The following MAP3K10 variants were observed in gnomAD, a reference collection of about 807,000 sequenced individuals.
The protein encoded by MAP3K10 is MKN28 derived nonreceptor_type serine/threonine kinase.
Under a neutral mutation model 75.0 loss-of-function variants are expected in MAP3K10, and 22 were observed. The ratio of observed to expected loss-of-function variants is 0.29; its 90% CI spans 0.21 to 0.42. The LOEUF (loss-of-function observed/expected upper bound fraction) is 0.42. Among genes scored for constraint, MAP3K10 ranks in the 10% least tolerant of loss-of-function variants. The pLI, the probability that MAP3K10 is intolerant of heterozygous loss-of-function variation, is 1.00. For missense variants in MAP3K10, 1,165 were observed against 1,379.8 expected, an observed-to-expected ratio of 0.84 and a Z score of 2.47; for synonymous variants, 599 against 612.9, an observed-to-expected ratio of 0.98 and a Z score of 0.34.
At position 40,214,003 on chromosome 19, in the gene MAP3K10, C is replaced by CCCCCCCCCCCCCCCCCCCCCCG; in HGVS notation, c.2327_2328insCCCCCCCCCCCCCCCCCCGCCC (p.Ser779ProfsTer80). ...GACGAGGCCGCACCGGCCGCGCCCT[C>CCCCCCCCCCCCCCCCCCCCCCG]CCCACCACCCTCCCCGCCCGCGCCC... On this transcript the variant is annotated frameshift_variant, in exon 9 of 10. Coordinates refer to ENST00000253055, the MANE Select transcript of MAP3K10 (RefSeq NM_002446.4). LOFTEE classifies it high-confidence loss of function. The CCCCCCCCCCCCCCCCCCCCCCG allele has an allele frequency of 6.9e-7, 1 of 1,439,942 alleles. No individual in the cohort carries two copies. The highest frequency in any genetic ancestry group is 9.2e-7 in the Non-Finnish European group (1 of 1,082,684). 89.2% of individuals were successfully genotyped at this position (1,439,942 alleles called of 1,614,324 possible). A position where few individuals can be genotyped will look rare whatever the true frequency, so the allele number is the denominator to read the frequency against.
chr19:40,201,824 G>A (rs1372788936), intron 2 of MAP3K10, among the ~76,000 whole-genome samples: 8 of 127,676 alleles, frequency 6.3e-5, no homozygotes, highest in African/African-American at 2.1e-4. Context: ...TTAATTTTAA[G>A]TTCTGGGATA....
chr19:40,194,427 T>C (rs1276006221), intron 1 of MAP3K10, among the ~76,000 whole-genome samples: 1 of 152,058 alleles, frequency 6.6e-6, no homozygotes, highest in African/African-American at 2.4e-5. Flanking sequence ...CTGATGCTTA[T>C]GCCCCAGCAC....
Position 40,204,442 on chromosome 19 carries a change from G to A in MAP3K10, c.864-43G>A. On this transcript the variant is annotated intron_variant, in intron 2 of 9. Transcript: ENST00000253055. This position sits in a 1 kb window ranked among gnomAD's most constrained non-coding sequence, Gnocchi z 4.3. Reference sequence around the variant, plus strand: ...GCAGGGCTGGGTATAGGTGAGGATTGGGGTGGGCTGCGACATCACCCCTCC... The same window carrying A: ...GCAGGGCTGGGTATAGGTGAGGATTAGGGTGGGCTGCGACATCACCCCTCC... 1 of 1,593,762 alleles carries A rather than the reference G, an allele frequency of 6.3e-7. No homozygotes were observed. Among genetic ancestry groups the A allele is most frequent in the African/African-American group, 1.3e-5 (1 of 74,884 alleles).
chr19:40,200,516 A>G (rs1428986939), intron 2 of MAP3K10, among the ~76,000 whole-genome samples: 5 of 151,868 alleles, frequency 3.3e-5, no homozygotes, highest in African/African-American at 1.2e-4. Context: ...TGGGACTGAG[A>G]CAGATCAGAC....
At chr19:40,201,435 TGCCCACCTGG>T (rs1188374049) in intron 2 of MAP3K10, among the ~76,000 whole-genome samples, 3 of 151,500 alleles carry the variant, frequency 2.0e-5, no homozygotes, top group Non-Finnish European at 4.4e-5. Flanking sequence ...CCTCATGATC[TGCCCACCTGG>T]GCCTCCTAAA....
chr19:40,215,061 C>T lies in MAP3K10; in HGVS notation c.2634C>T (p.Pro878=). 6.2e-7 allele frequency: 1 copy of T among 1,608,750 alleles called. No homozygotes were observed. The highest frequency in any genetic ancestry group is 8.5e-7 in the Non-Finnish European group (1 of 1,177,530). The change falls in exon 10 of 10, where the codon CCC becomes CCT. Residue 878 remains proline (P), a synonymous_variant. Transcript: ENST00000253055. ...RRRPPEFPGR[P]TTLTFAPRPR... ...GGCCCCCTGAGTTCCCAGGCCGCCC[C>T]ACCACCCTGACCTTTGCCCCGAGAC...
chr19:40,212,793 C>T lies in MAP3K10; in HGVS notation c.1553-12C>T, dbSNP rs750181588. ...CCTCCACCCAGTAACCAAGTGGCTTCTCTGGACCCAGTGACTCCCGTGGAC... is the reference window on the plus strand; with the variant it reads ...CCTCCACCCAGTAACCAAGTGGCTTTTCTGGACCCAGTGACTCCCGTGGAC... On this transcript the variant is annotated splice_polypyrimidine_tract_variant and intron_variant, in intron 6 of 9. Transcript: ENST00000253055. This position sits in a 1 kb window ranked among gnomAD's most constrained non-coding sequence, Gnocchi z 4.2. 7 of 1,578,014 alleles carry T rather than the reference C, an allele frequency of 4.4e-6. No homozygotes were observed. Among genetic ancestry groups the T allele is most frequent in the Middle Eastern group, 2.2e-4 (1 of 4,606 alleles).
Position 40,204,716 on chromosome 19 carries a change from A to C in MAP3K10, c.1012+83A>C. Reference sequence around the variant, plus strand: ...GCCCAGACCTTTCCCCTTCACACCTATCCATACCAGTGGGCCCAGGAGTGA... The same window carrying C: ...GCCCAGACCTTTCCCCTTCACACCTCTCCATACCAGTGGGCCCAGGAGTGA... On this transcript the variant is annotated intron_variant, in intron 3 of 9. Coordinates refer to ENST00000253055, the MANE Select transcript of MAP3K10 (RefSeq NM_002446.4). The surrounding 1 kb of genome is among the most constrained non-coding windows in gnomAD (Gnocchi z 4.3). The C allele has an allele frequency of 6.7e-7, 1 of 1,488,230 alleles. No homozygotes were observed. 92.2% of individuals were successfully genotyped at this position (1,488,230 alleles called of 1,614,324 possible). A position where few individuals can be genotyped will look rare whatever the true frequency, so the allele number is the denominator to read the frequency against.
intron 5 of MAP3K10, 103 bp downstream of exon 5, chr19:40,206,260 A>G: frequency 1.4e-6 from 2 of 1,382,276 alleles, no homozygotes; most frequent in Non-Finnish European, 1.9e-6. Context: ...TTTTATTGCT[A>G]AATATATCGC....
chr19:40,205,837 C>A lies in MAP3K10; in HGVS notation c.1189-74C>A. On this transcript the variant is annotated intron_variant, in intron 4 of 9. Coordinates refer to ENST00000253055, the MANE Select transcript of MAP3K10 (RefSeq NM_002446.4). The surrounding 1 kb of genome is among the most constrained non-coding windows in gnomAD (Gnocchi z 4.3). ...CCTTGTGTGAGGCACCAACCAGACG[C>A]AGCAGCCCTGGGTCCCTCCCCAGGA... 1 of 1,419,068 alleles carries A rather than the reference C, an allele frequency of 7.0e-7. No homozygotes were observed. Among genetic ancestry groups the A allele is most frequent in the Non-Finnish European group, 9.3e-7 (1 of 1,077,834 alleles). 87.9% of individuals were successfully genotyped at this position (1,419,068 alleles called of 1,614,324 possible).
chr19:40,196,148 C>T (rs539905595), intron 1 of MAP3K10, among the ~76,000 whole-genome samples: 2 of 152,086 alleles, frequency 1.3e-5, no homozygotes, highest in Non-Finnish European at 2.9e-5. Flanking sequence ...CAGGGTTATG[C>T]ACCTAGGAAG....
intron 2 of MAP3K10, among the ~76,000 whole-genome samples, chr19:40,202,483 T>G (rs2145081080): frequency 6.6e-6 from 1 of 152,302 alleles, no homozygotes; most frequent in Admixed American, 6.5e-5. Flanking sequence ...AGGCTGCCCT[T>G]GGCATGACTA....
At chr19:40,206,812 G>A (rs1360657122) in intron 5 of MAP3K10, among the ~76,000 whole-genome samples, 2 of 152,028 alleles carry the variant, frequency 1.3e-5, no homozygotes, top group African/African-American at 4.8e-5. Flanking sequence ...CTTTTAATCT[G>A]GCCAGGTGCA....
chr19:40,205,684 G>C lies in MAP3K10; in HGVS notation c.1189-227G>C. ...TGTTTGAAGTTTTCTAAATTGAAGA[G>C]TTAAGAAAGAAAAAGAAAGAAAAAG... is the stretch of plus-strand genomic sequence containing the variant. On this transcript the variant is annotated intron_variant, in intron 4 of 9. Coordinates refer to ENST00000253055, the MANE Select transcript of MAP3K10 (RefSeq NM_002446.4). This position sits in a 1 kb window ranked among gnomAD's most constrained non-coding sequence, Gnocchi z 4.3. 7.5e-6 allele frequency: 4 copies of C among 536,358 alleles called. No homozygotes were observed. The highest frequency in any genetic ancestry group is 1.3e-5 in the Non-Finnish European group (4 of 308,560). 33.2% of individuals were successfully genotyped at this position (536,358 alleles called of 1,614,324 possible).
Position 40,213,194 on chromosome 19 carries a change from AG to A in MAP3K10, c.1837+7del, listed in dbSNP as rs1665891597. 6.4e-7 allele frequency: 1 copy of A among 1,565,674 alleles called. No individual in the cohort carries two copies. Among genetic ancestry groups the A allele is most frequent in the African/African-American group, 1.3e-5 (1 of 74,306 alleles). On this transcript the variant is annotated splice_region_variant and intron_variant, in intron 8 of 9. Transcript: ENST00000253055. This position sits in a 1 kb window ranked among gnomAD's most constrained non-coding sequence, Gnocchi z 5.7. Reference sequence around the variant, plus strand: ...TGCCAGCCTCAATGAGATGGGTAAGAGCCTGGGTTCTTGTAAGGGGGTGGGG... The same window carrying A: ...TGCCAGCCTCAATGAGATGGGTAAGACCTGGGTTCTTGTAAGGGGGTGGGG...
rs1972945443 is a variant in MAP3K10, at chr19:40,198,150, G to T, written c.683-225G>T. ...CCCAGGACAGAATCAGGAGGGCAGA[G>T]GACACAGGAGGAGCTCCCTACTCCC... On this transcript the variant is annotated intron_variant, in intron 1 of 9. Coordinates refer to ENST00000253055, the MANE Select transcript of MAP3K10 (RefSeq NM_002446.4). The surrounding 1 kb of genome is among the most constrained non-coding windows in gnomAD (Gnocchi z 4.3). 6.6e-6 allele frequency among the ~76,000 whole-genome samples: 1 copy of T among 152,182 alleles called. No individual in the cohort carries two copies. Among genetic ancestry groups the T allele is most frequent in the Admixed American group, 6.5e-5 (1 of 15,272 alleles).
chr19:40,213,766 C>T lies in MAP3K10; in HGVS notation c.2087C>T (p.Ala696Val), dbSNP rs1973288109. Residue 696 changes from alanine to valine, a missense_variant, in exon 9 of 10, where the codon GCG (alanine) becomes GTG (valine). Ala to Val is a moderately conservative substitution (Grantham distance 64). Around this residue, in one of 2 missense-constraint regions of MAP3K10, gnomAD observed 590 missense variants for 586.6 expected, o/e 1.01. Coordinates refer to ENST00000253055, the MANE Select transcript of MAP3K10 (RefSeq NM_002446.4). The surrounding 1 kb of genome is among the most constrained non-coding windows in gnomAD (Gnocchi z 5.7). ...GLGADVAEARAADGEEQRRWL... is the reference protein window; with the variant it reads ...GLGADVAEARVADGEEQRRWL... ...GGCGCCGACGTGGCCGAGGCGCGCG[C>T]GGCCGACGGTGAGGAGCAGCGGCGC... 3 of 1,143,436 alleles carry T rather than the reference C, an allele frequency of 2.6e-6. No homozygotes were observed. Among genetic ancestry groups the T allele is most frequent in the South Asian group, 5.6e-5 (2 of 35,650 alleles). 70.8% of individuals were successfully genotyped at this position (1,143,436 alleles called of 1,614,324 possible).
chr19:40,206,016 G>A lies in MAP3K10; in HGVS notation c.1294G>A (p.Asp432Asn). The part of the protein sequence containing the change: ...REQELAEREM[D>N]IVERELHLLM... ...GCAGGAGCTGGCAGAACGTGAGATG[G>A]ACATCGTGGAACGGGAGCTGCACCT... is the stretch of plus-strand genomic sequence containing the variant. Residue 432 changes from aspartate to asparagine, a missense_variant, in exon 5 of 10, where the codon GAC becomes AAC. By Grantham distance (23) the Asp-to-Asn change is conservative. Around this residue, in one of 2 missense-constraint regions of MAP3K10, gnomAD observed 575 missense variants for 793.2 expected, o/e 0.72. Transcript: ENST00000253055. 1 of 1,613,226 alleles carries A rather than the reference G, an allele frequency of 6.2e-7. No homozygotes were observed. Among genetic ancestry groups the A allele is most frequent in the Non-Finnish European group, 8.5e-7 (1 of 1,179,586 alleles).
At position 40,213,211 on chromosome 19, in the gene MAP3K10, G is replaced by T; in HGVS notation, c.1837+23G>T. On this transcript the variant is annotated intron_variant, in intron 8 of 9. Transcript: ENST00000253055. The surrounding 1 kb of genome is among the most constrained non-coding windows in gnomAD (Gnocchi z 5.7). Reference sequence around the variant, plus strand: ...TGGGTAAGAGCCTGGGTTCTTGTAAGGGGGTGGGGGTTCCCTGGCCAAAGG... The same window carrying T: ...TGGGTAAGAGCCTGGGTTCTTGTAATGGGGTGGGGGTTCCCTGGCCAAAGG... 1 of 1,539,664 alleles carries T rather than the reference G, an allele frequency of 6.5e-7. No homozygotes were observed. Among genetic ancestry groups the T allele is most frequent in the East Asian group, 2.4e-5 (1 of 42,184 alleles).
Sources: allele counts gnomAD v4.1 joint callset (sites outside exome capture counted in the v4.1 genomes callset), GRCh38; gene constraint gnomAD v4.1.1; regional missense constraint gnomAD v4.1.1; non-coding constraint Gnocchi (gnomAD v3.1); transcripts MANE v1.5; gene names NCBI Gene and HGNC (gene_info 2026-07-23, HGNC 2026-07-21).